GPC6: variants seen among roughly 807,000 people sequenced by gnomAD.
GPC6 encodes the protein glypican-6.
In GPC6, 14 loss-of-function variants were observed where a neutral mutation model predicts 55.2. The observed-to-expected ratio is 0.25, with a 90% CI of 0.17 to 0.40. The LOEUF is 0.40. GPC6 is among the 10% of genes least tolerant of loss of function. The pLI, the probability that GPC6 is intolerant of heterozygous loss-of-function variation, is 1.00. For missense variants in GPC6, 641 were observed against 708.5 expected (o/e 0.90, Z 1.08); for synonymous variants, 278 against 259.6 (o/e 1.07, Z -0.68).
rs1027654720 is a variant in GPC6, at chr13:94,217,038, C to T, written c.878-69311C>T. On this transcript the variant is annotated intron_variant, in intron 4 of 8. Coordinates refer to ENST00000377047, the MANE Select transcript of GPC6 (RefSeq NM_005708.5). ...GTATGTACCCTGCAGTGCCCCTGTG[C>T]ACATTATAGACACCAGATATTAAAG... Among the ~76,000 whole-genome samples the T allele has an allele frequency of 1.2e-4, 19 of 152,164 alleles. 1 individual carries two copies. The highest frequency in any genetic ancestry group is 4.1e-4 in the African/African-American group (17 of 41,436).
At chr13:93,245,955 C>A (rs532890490) in intron 1 of GPC6, among the ~76,000 whole-genome samples, 2 of 152,282 alleles carry the variant, frequency 1.3e-5, no homozygotes, top group African/African-American at 2.4e-5. Context: ...GGGAAATGGG[C>A]AATGGCATTT....
In GPC6 at chr13:94,347,353, T is replaced by A. The variant is rs911724519; in HGVS notation, c.1153-35061T>A. Among the ~76,000 whole-genome samples the A allele has an allele frequency of 4.6e-5, 7 of 152,282 alleles. No homozygotes were observed. In the South Asian group the frequency reaches 1.2e-3, roughly 27 times the overall value. Reference sequence around the variant, plus strand: ...CTGCAACTTCTTGTAGGAAAGATGATCAAAATGAAACAACTGTCCTGAAAG... The same window carrying A: ...CTGCAACTTCTTGTAGGAAAGATGAACAAAATGAAACAACTGTCCTGAAAG... On this transcript the variant is annotated intron_variant, in intron 6 of 8. Transcript: ENST00000377047.
chr13:93,777,008 A>G (rs1885492595), intron 2 of GPC6, among the ~76,000 whole-genome samples: 1 of 152,190 alleles, frequency 6.6e-6, no homozygotes, highest in Non-Finnish European at 1.5e-5. Flanking sequence ...GATATCTCTA[A>G]TAATAAAGGA....
chr13:93,844,486 G>A (rs1219625417), intron 3 of GPC6, among the ~76,000 whole-genome samples: 6 of 151,978 alleles, frequency 3.9e-5, no homozygotes, highest in African/African-American at 1.2e-4. Context: ...CTTTTTGATG[G>A]GGTTGTTTGT....
intron 2 of GPC6, among the ~76,000 whole-genome samples, chr13:93,689,320 T>C (rs753367367): frequency 1.4e-4 from 22 of 152,128 alleles, no homozygotes; most frequent in Non-Finnish European, 2.4e-4. Flanking sequence ...TTCTCAGATA[T>C]GTTTTTTGTC....
intron 6 of GPC6, among the ~76,000 whole-genome samples, chr13:94,306,589 A>AT (rs1315009225): frequency 1.5e-4 from 23 of 150,272 alleles, no homozygotes; most frequent in South Asian, 4.2e-4. Flanking sequence ...TGTTACTATC[A>AT]TTTTTTTTTC....
chr13:93,558,203 C>T (rs1345091121), intron 2 of GPC6, among the ~76,000 whole-genome samples: 1 of 152,154 alleles, frequency 6.6e-6, no homozygotes, highest in African/African-American at 2.4e-5. Flanking sequence ...CTACGATATA[C>T]ATAAAAAGCC....
rs370603022 is a variant in GPC6 at position 93,734,468 on chromosome 13, T to C, written c.320-95686T>C. On this transcript the variant is annotated intron_variant, in intron 2 of 8. Transcript: ENST00000377047. ...GAGCATTGAACAATTAGGCATACTTTTGAGGGACTGGAAAACCACTCCCTG... is the reference window on the plus strand; with the variant it reads ...GAGCATTGAACAATTAGGCATACTTCTGAGGGACTGGAAAACCACTCCCTG... Among the ~76,000 whole-genome samples the C allele has an allele frequency of 5.3e-4, 80 of 152,264 alleles. 2 individuals are homozygous for C. The South Asian group carries it at 0.015, about 28-fold the overall frequency.
At chr13:93,272,761 C>G (rs563515103) in intron 1 of GPC6, among the ~76,000 whole-genome samples, 56 of 152,218 alleles carry the variant, frequency 3.7e-4, no homozygotes, top group Admixed American at 1.8e-3. Flanking sequence ...AATCTCTGAA[C>G]AGACAGTGGA....
Position 94,272,562 on chromosome 13 carries a change from A to G in GPC6, c.878-13787A>G, listed in dbSNP as rs368105480. 3.5e-3 allele frequency among the ~76,000 whole-genome samples: 482 copies of G among 138,266 alleles called. 3 individuals are homozygous for G. Among genetic ancestry groups the G allele is most frequent in the African/African-American group, 0.01 (374 of 36,344 alleles). 90.7% of individuals were successfully genotyped at this position (138,266 alleles called of 152,430 possible). A position where few individuals can be genotyped will look rare whatever the true frequency, so the allele number is the denominator to read the frequency against. On this transcript the variant is annotated intron_variant, in intron 4 of 8. Coordinates refer to ENST00000377047, the MANE Select transcript of GPC6 (RefSeq NM_005708.5). ...CAGCTCACTGCAAGCTCCGCCTCCC[A>G]GGTTCATGCCATTCTCTTGCCTCAG... is the stretch of plus-strand genomic sequence containing the variant.
intron 1 of GPC6, among the ~76,000 whole-genome samples, chr13:93,287,741 A>G (rs1054174533): frequency 6.6e-6 from 1 of 152,234 alleles, no homozygotes; most frequent in African/African-American, 2.4e-5. Flanking sequence ...ACGGGGGGAA[A>G]TGAGATCCAT....
At chr13:93,915,436 G>A (rs1021966921) in intron 3 of GPC6, among the ~76,000 whole-genome samples, 4 of 152,144 alleles carry the variant, frequency 2.6e-5, no homozygotes, top group Admixed American at 6.6e-5. Context: ...TGCCTTGCCA[G>A]CCCCCCTGTG....
At chr13:93,304,004 G>T (rs974078097) in intron 1 of GPC6, among the ~76,000 whole-genome samples, 1 of 151,818 alleles carries the variant, frequency 6.6e-6, no homozygotes, top group Non-Finnish European at 1.5e-5. Flanking sequence ...GAGCAGCTGG[G>T]ATTACAGGTG....
At chr13:93,241,062 C>G (rs1158925552) in intron 1 of GPC6, among the ~76,000 whole-genome samples, 1 of 152,098 alleles carries the variant, frequency 6.6e-6, no homozygotes, top group Non-Finnish European at 1.5e-5. Context: ...TCTCACTAGT[C>G]TTAGAATTAT....
chr13:94,025,096 G>T (rs992969064), intron 3 of GPC6, among the ~76,000 whole-genome samples: 2 of 152,308 alleles, frequency 1.3e-5, no homozygotes, highest in Middle Eastern at 3.4e-3. Context: ...AATGCTCTAG[G>T]TTCTAATACC....
intron 1 of GPC6, among the ~76,000 whole-genome samples, chr13:93,277,715 G>A (rs9523991): frequency 0.37 from 56,869 of 151,948 alleles, 10,896 homozygotes; most frequent in East Asian, 0.63. Context: ...TGTTCAACTA[G>A]ACATAACTTT....
intron 3 of GPC6, among the ~76,000 whole-genome samples, chr13:93,914,857 T>C (rs1877206349): frequency 1.3e-5 from 2 of 152,190 alleles, no homozygotes; most frequent in African/African-American, 4.8e-5. Flanking sequence ...GTCAGCTGTG[T>C]TCACCCTATA....
At chr13:94,206,863 A>G (rs1477880578) in intron 4 of GPC6, among the ~76,000 whole-genome samples, 1 of 152,138 alleles carries the variant, frequency 6.6e-6, no homozygotes, top group Non-Finnish European at 1.5e-5. Flanking sequence ...AAAAAAGAAA[A>G]TAAAAAACAA....
chr13:93,765,308 T>TCCCAG, intron 2 of GPC6, among the ~76,000 whole-genome samples: 2 of 148,686 alleles, frequency 1.3e-5, no homozygotes, highest in African/African-American at 2.5e-5. Flanking sequence ...AAAGACAACT[T>TCCCAG]ATTTGGTTTA....
Sources: allele counts gnomAD v4.1 joint callset (sites outside exome capture counted in the v4.1 genomes callset), GRCh38; gene constraint gnomAD v4.1.1; transcripts MANE v1.5; gene names NCBI Gene and HGNC (gene_info 2026-07-23, HGNC 2026-07-21).